Variants in PRDM16 observed in about 807,000 individuals in gnomAD.
PRDM16 encodes the protein PR/SET domain 16, also known as histone-lysine N-methyltransferase PRDM16.
Under a neutral mutation model 110.6 loss-of-function variants are expected in PRDM16, and 23 were observed. That is an observed-to-expected ratio of 0.21 (90% CI 0.15 to 0.29). The LOEUF is 0.29. Ranked by LOEUF, PRDM16 falls within the 10% of genes least tolerant of loss-of-function variation. PRDM16 has a pLI of 1.00. For synonymous variants in PRDM16, 799 were observed against 781.8 expected, an observed-to-expected ratio of 1.02 and a Z score of -0.37; for missense variants, 1,615 against 1,794.3, an observed-to-expected ratio of 0.90 and a Z score of 1.81.
At chr1:3,181,741 CGG>C (rs1439834981) in intron 1 of PRDM16, among the ~76,000 whole-genome samples, 29 of 107,936 alleles carry the variant, frequency 2.7e-4, no homozygotes, top group Non-Finnish European at 4.6e-4. Context: ...GTCTTACACA[CGG>C]AGTCTTACAC....
chr1:3,269,975 T>A (rs1046635251), intron 3 of PRDM16, among the ~76,000 whole-genome samples: 1 of 132,280 alleles, frequency 7.6e-6, no homozygotes, highest in African/African-American at 3.0e-5. Context: ...GGAGGACAGT[T>A]CCAGAGGAGG....
intron 3 of PRDM16, among the ~76,000 whole-genome samples, chr1:3,311,870 G>A (rs1191713985): frequency 6.6e-6 from 1 of 152,190 alleles, no homozygotes; most frequent in Non-Finnish European, 1.5e-5. Flanking sequence ...CCCCACCCTG[G>A]GTCCAGAGGG....
chr1:3,340,761 G>A (rs1642254485), intron 3 of PRDM16, among the ~76,000 whole-genome samples: 1 of 152,208 alleles, frequency 6.6e-6, no homozygotes, highest in Non-Finnish European at 1.5e-5. Context: ...CCATCTAGAT[G>A]AACAACGGCC....
At position 3,245,032 on chromosome 1, in the gene PRDM16, A is replaced by G. The variant is rs1221634188; in HGVS notation, c.438+895A>G. Among the ~76,000 whole-genome samples, 1 of 152,036 alleles carries G rather than the reference A, an allele frequency of 6.6e-6. No individual in the cohort carries two copies. Among genetic ancestry groups the G allele is most frequent in the African/African-American group, 2.4e-5 (1 of 41,406 alleles). On this transcript the variant is annotated intron_variant, in intron 3 of 16. Transcript: ENST00000270722. The surrounding 1 kb of genome is among the most constrained non-coding windows in gnomAD (Gnocchi z 4.7). ...CAAGATAAAATTTAGAGAGAGTCAC[A>G]TTTACACATCCCCACCCAGACAGCA...
intron 4 of PRDM16, chr1:3,394,532 A>G: frequency 2.4e-6 from 1 of 416,844 alleles, no homozygotes; most frequent in Non-Finnish European, 4.9e-6. Context: ...AGTGGAGCCA[A>G]GGGGCGGGCG....
At chr1:3,389,672 G>T (rs1342123709) in intron 4 of PRDM16, among the ~76,000 whole-genome samples, 1 of 152,232 alleles carries the variant, frequency 6.6e-6, no homozygotes, top group East Asian at 1.9e-4. Flanking sequence ...CCAGATCACG[G>T]CCAAGGGCAC....
chr1:3,268,738 C>T (rs1428354567), intron 3 of PRDM16, among the ~76,000 whole-genome samples: 4 of 152,364 alleles, frequency 2.6e-5, no homozygotes, highest in African/African-American at 9.6e-5. Flanking sequence ...TAACCCCAGC[C>T]TCAGAGTCCA....
chr1:3,426,079 C>T lies in PRDM16; in HGVS notation c.3138C>T (p.Asn1046=), dbSNP rs2100693217. The change falls in exon 14 of 17, where the codon AAC becomes AAT. Residue 1046 remains asparagine (N), a synonymous_variant. Coordinates refer to ENST00000270722, the MANE Select transcript of PRDM16 (RefSeq NM_022114.4). The part of the protein sequence containing the change: ...PVSQHPGVLT[N]HLGTSASSPT... ...GCCAGCACCCCGGGGTCCTCACGAA[C>T]CACCTGGGGACCAGCGCGTCCTCTC... 3 of 1,613,726 alleles carry T rather than the reference C, an allele frequency of 1.9e-6. No homozygotes were observed. The South Asian group carries it at 3.3e-5, about 18-fold the overall frequency.
chr1:3,357,124 T>C (rs1283331253), intron 3 of PRDM16, among the ~76,000 whole-genome samples: 2 of 152,190 alleles, frequency 1.3e-5, no homozygotes, highest in Non-Finnish European at 2.9e-5. Context: ...CAAGGAAGGC[T>C]GCATGCCGGC....
In PRDM16 at chr1:3,430,910, C is replaced by T. The variant is rs1466756635; in HGVS notation, c.3323C>T (p.Pro1108Leu). The T allele has an allele frequency of 4.3e-6, 7 of 1,613,966 alleles. No individual in the cohort carries two copies. Among genetic ancestry groups the T allele is most frequent in the African/African-American group, 1.3e-5 (1 of 74,912 alleles). The stretch of plus-strand genomic sequence containing the variant: ...ATCGTGGACGGCAGTGCCCAGTGTC[C>T]AGGCCTAGCCAGTGAGAAGCAGGAG... ...MQIVDGSAQC[P>L]GLASEKQEDV... The change falls in exon 15 of 17, where the codon CCA becomes CTA. Residue 1108 changes from proline (P) to leucine (L), a missense_variant. Physicochemically the swap from Pro to Leu is moderately conservative, Grantham distance 98. Transcript: ENST00000270722.
At chr1:3,220,278 C>T (rs376451913) in intron 2 of PRDM16, among the ~76,000 whole-genome samples, 20 of 152,330 alleles carry the variant, frequency 1.3e-4, no homozygotes, top group African/African-American at 3.1e-4. Context: ...TCCCCAACAC[C>T]GTGGGGCCAC....
intron 4 of PRDM16, among the ~76,000 whole-genome samples, chr1:3,389,949 G>GCCCCCCCCCCCCCCCCCC (rs70938087): frequency 1.5e-4 from 16 of 107,032 alleles, no homozygotes; most frequent in East Asian, 3.0e-4. Context: ...CTGGGGGTGC[G>GCCCCCCCCCCCCCCCCCC]CCCCCCCCCC....
chr1:3,404,907 G>T (rs375796968), intron 7 of PRDM16, 21 bp downstream of exon 7: 2 of 1,609,962 alleles, frequency 1.2e-6, no homozygotes, highest in Non-Finnish European at 1.7e-6. Context: ...GGGCGGCCCC[G>T]TCTCAGCCCC....
intron 1 of PRDM16, among the ~76,000 whole-genome samples, chr1:3,184,970 C>T (rs907569202): frequency 1.5e-4 from 23 of 152,166 alleles, no homozygotes; most frequent in Non-Finnish European, 2.6e-4. Context: ...TGGTCCAGGC[C>T]GCCTTCCTCC....
chr1:3,209,931 ACT>A lies in PRDM16; in HGVS notation c.387+23460_387+23461del, dbSNP rs1638842277. Among the ~76,000 whole-genome samples the A allele has an allele frequency of 2.6e-5, 4 of 152,092 alleles. No homozygotes were observed. The highest frequency in any genetic ancestry group is 2.6e-4 in the Admixed American group (4 of 15,274). On this transcript the variant is annotated intron_variant, in intron 2 of 16. Coordinates refer to ENST00000270722, the MANE Select transcript of PRDM16 (RefSeq NM_022114.4). This position sits in a 1 kb window ranked among gnomAD's most constrained non-coding sequence, Gnocchi z 4.6. ...GCACCTGTGTTAGCCCTTTCACAGA[ACT>A]CTTACTTAACATGGAAAATATCGTA...
At chr1:3,219,363 C>A (rs1639100867) in intron 2 of PRDM16, among the ~76,000 whole-genome samples, 1 of 152,234 alleles carries the variant, frequency 6.6e-6, no homozygotes, top group Admixed American at 6.5e-5. Flanking sequence ...GCCCAGAAAC[C>A]AGATTGACTG....
chr1:3,099,059 C>T (rs1234196515), intron 1 of PRDM16, among the ~76,000 whole-genome samples: 2 of 152,222 alleles, frequency 1.3e-5, no homozygotes, highest in South Asian at 2.1e-4. Flanking sequence ...GGACCCAGAG[C>T]GGTGGGGGCC....
At chr1:3,127,536 A>C (rs1643235236) in intron 1 of PRDM16, among the ~76,000 whole-genome samples, 3 of 152,194 alleles carry the variant, frequency 2.0e-5, no homozygotes, top group Admixed American at 2.0e-4. Context: ...GGGAATCTTT[A>C]TCGAGCTCAA....
chr1:3,411,059 T>C (rs199944925), intron 8 of PRDM16, among the ~76,000 whole-genome samples: 3 of 113,684 alleles, frequency 2.6e-5, no homozygotes, highest in African/African-American at 1.0e-4. Flanking sequence ...CACACACACA[T>C]ATGTTTCCAC....
Sources: allele counts gnomAD v4.1 joint callset (sites outside exome capture counted in the v4.1 genomes callset), GRCh38; gene constraint gnomAD v4.1.1; non-coding constraint Gnocchi (gnomAD v3.1); transcripts MANE v1.5; gene names NCBI Gene and HGNC (gene_info 2026-07-23, HGNC 2026-07-21).